The following SNAI2 variants were observed in gnomAD, a reference collection of about 807,000 sequenced individuals.
SNAI2 encodes the protein zinc finger protein SNAI2.
SNAI2 carries 2 observed loss-of-function variants against 22.4 expected under a neutral mutation model. The observed-to-expected ratio is 0.09, with a 90% confidence interval of 0.04 to 0.28. The LOEUF is 0.28. Among genes scored for constraint, SNAI2 ranks in the 10% least tolerant of loss-of-function variants. The pLI, the probability that SNAI2 is intolerant of heterozygous loss-of-function variation, is 1.00. For synonymous variants in SNAI2, 134 were observed against 123.0 expected (o/e 1.09, Z -0.59); for missense variants, 239 against 320.8 (o/e 0.75, Z 1.95).
intron 1 of SNAI2, 66 bp downstream of exon 1, chr8:48,921,121 T>C: frequency 1.8e-6 from 2 of 1,111,238 alleles, no homozygotes; most frequent in Admixed American, 1.7e-5. Flanking sequence ...ATTTGAAGGG[T>C]AATACGTAGA....
At position 48,921,232 on chromosome 8, in the gene SNAI2, T is replaced by C. The variant is rs763952937; in HGVS notation, c.34A>G (p.Asn12Asp). The C allele has an allele frequency of 3.1e-5, 50 of 1,613,686 alleles. No individual in the cohort carries two copies. Among genetic ancestry groups the C allele is most frequent in the Non-Finnish European group, 4.0e-5 (47 of 1,180,002 alleles). ...CTGTAGTTTGGCTTTTTGGAGGCGT[T>C]GAAATGCTTCTTGACCAGGAAGGAG... The part of the protein sequence containing the change: ...PRSFLVKKHF[N>D]ASKKPNYSEL... Residue 12 changes from asparagine (N) to aspartate (D), a missense_variant, in exon 1 of 3, where the codon AAC (asparagine) becomes GAC (aspartate). Physicochemically the swap from Asn to Asp is conservative, Grantham distance 23. Coordinates refer to ENST00000020945, the MANE Select transcript of SNAI2 (RefSeq NM_003068.5).
Position 48,920,063 on chromosome 8 carries a change from G to T in SNAI2, c.458C>A (p.Ala153Asp). Residue 153 changes from alanine to aspartate, a missense_variant, in exon 2 of 3, where the codon GCC (alanine) becomes GAC (aspartate). Coordinates refer to ENST00000020945, the MANE Select transcript of SNAI2 (RefSeq NM_003068.5). ...ACAGCTGAAAGATTTTCTAGACTGG[G>T]CATCGCAGTGCAGCTGCTTATGTTT... Reference protein sequence around the residue: ...LAKHKQLHCDAQSRKSFSCKY... With the variant: ...LAKHKQLHCDDQSRKSFSCKY... 2.5e-6 allele frequency: 4 copies of T among 1,614,208 alleles called. No homozygotes were observed. The highest frequency in any genetic ancestry group is 2.5e-6 in the Non-Finnish European group (3 of 1,180,032).
Position 48,918,504 on chromosome 8 carries a change from C to A in SNAI2, c.*303G>T. ...TGCATTTTTTTAGGAAGAAAAGATG[C>A]AATGTGCTTTTCATTTTATCTTTGA... On this transcript the variant is annotated 3_prime_UTR_variant, in exon 3 of 3. Transcript: ENST00000020945. 1 of 367,444 alleles carries A rather than the reference C, an allele frequency of 2.7e-6. No individual in the cohort carries two copies. Among genetic ancestry groups the A allele is most frequent in the East Asian group, 5.7e-5 (1 of 17,468 alleles). The allele number at this position is 367,444 out of a possible 1,614,324, so 22.8% of individuals were successfully genotyped here. A position where few individuals can be genotyped will look rare whatever the true frequency, so the allele number is the denominator to read the frequency against.
Position 48,921,323 on chromosome 8 carries a change from G to A in SNAI2, c.-58C>T. 2 of 1,357,708 alleles carry A rather than the reference G, an allele frequency of 1.5e-6. No individual in the cohort carries two copies. The highest frequency in any genetic ancestry group is 1.2e-5 in the South Asian group (1 of 86,158). The allele number at this position is 1,357,708 out of a possible 1,614,324, so 84.1% of individuals were successfully genotyped here. On this transcript the variant is annotated 5_prime_UTR_variant, in exon 1 of 3. Transcript: ENST00000020945. ...GATAACGGTCCGGCGGGAGGACACG[G>A]CGGTCCCTACAGCATCGCGGCGGGC...
intron 1 of SNAI2, 53 bp from the exon 2 acceptor site, chr8:48,920,494 A>T: frequency 1.4e-6 from 2 of 1,474,168 alleles, no homozygotes; most frequent in South Asian, 2.3e-5. Context: ...ATTAAAAATA[A>T]ATCCACACGC....
rs944756992 is a variant in SNAI2 at position 48,921,304 on chromosome 8, G to T, written c.-39C>A. 18 of 1,526,972 alleles carry T rather than the reference G, an allele frequency of 1.2e-5. No homozygotes were observed. The highest frequency in any genetic ancestry group is 3.4e-4 in the Middle Eastern group (2 of 5,836). 94.6% of individuals were successfully genotyped at this position (1,526,972 alleles called of 1,614,324 possible). On this transcript the variant is annotated 5_prime_UTR_variant, in exon 1 of 3. Coordinates refer to ENST00000020945, the MANE Select transcript of SNAI2 (RefSeq NM_003068.5). The stretch of plus-strand genomic sequence containing the variant: ...CTGGCGGGCGCCCGGCGCGGATAAC[G>T]GTCCGGCGGGAGGACACGGCGGTCC...
rs960463198 is a variant in SNAI2 at position 48,921,355 on chromosome 8, C to T, written c.-90G>A. On this transcript the variant is annotated 5_prime_UTR_variant, in exon 1 of 3. Coordinates refer to ENST00000020945, the MANE Select transcript of SNAI2 (RefSeq NM_003068.5). ...CTACAGCATCGCGGCGGGCCAGGCT[C>T]GGGCAGGGGCCGTGCTCAGGTGCGG... 110 of 1,003,538 alleles carry T rather than the reference C, an allele frequency of 1.1e-4. No individual in the cohort carries two copies. The highest frequency in any genetic ancestry group is 3.9e-4 in the South Asian group (31 of 78,784). 62.2% of individuals were successfully genotyped at this position (1,003,538 alleles called of 1,614,324 possible).
chr8:48,919,866 T>C (rs1285812607), intron 2 of SNAI2, 30 bp downstream of exon 2: 1 of 1,607,440 alleles, frequency 6.2e-7, no homozygotes, highest in South Asian at 1.1e-5. Context: ...TATCTCAGAG[T>C]AACATTCCTG....
At position 48,921,366 on chromosome 8, in the gene SNAI2, C is replaced by G. The variant is rs968278375; in HGVS notation, c.-101G>C. The G allele has an allele frequency of 1.8e-5, 16 of 911,104 alleles. No individual in the cohort carries two copies. Among genetic ancestry groups the G allele is most frequent in the Admixed American group, 6.9e-5 (4 of 57,730 alleles). The allele number at this position is 911,104 out of a possible 1,614,324, so 56.4% of individuals were successfully genotyped here. A position where few individuals can be genotyped will look rare whatever the true frequency, so the allele number is the denominator to read the frequency against. ...CGGCGGGCCAGGCTCGGGCAGGGGCCGTGCTCAGGTGCGGCAGACGGACGG... is the reference window on the plus strand; with the variant it reads ...CGGCGGGCCAGGCTCGGGCAGGGGCGGTGCTCAGGTGCGGCAGACGGACGG... On this transcript the variant is annotated 5_prime_UTR_variant, in exon 1 of 3. Coordinates refer to ENST00000020945, the MANE Select transcript of SNAI2 (RefSeq NM_003068.5).
rs1399924105 is a variant in SNAI2, at chr8:48,920,434, A to G, written c.87T>C (p.Ile29=). 2 of 1,613,956 alleles carry G rather than the reference A, an allele frequency of 1.2e-6. No homozygotes were observed. The highest frequency in any genetic ancestry group is 2.2e-5 in the South Asian group (2 of 91,064). The change falls in exon 2 of 3, where the codon ATT becomes ATC. Residue 29 remains isoleucine, a synonymous_variant. Transcript: ENST00000020945. ...AGTAACTCTCATAGAGATACGGGGA[A>G]ATAATCACTGGGAAAGAAAAGGGAG... ...YSELDTHTVI[I]SPYLYESYSM...
Position 48,920,439 on chromosome 8 carries a change from T to A in SNAI2, c.82A>T (p.Ile28Phe). Residue 28 changes from isoleucine (I) to phenylalanine (F), a missense_variant and splice_region_variant, in exon 2 of 3, where the codon ATT becomes TTT. Physicochemically the swap from Ile to Phe is conservative, Grantham distance 21 (BLOSUM62 0). Transcript: ENST00000020945. Reference protein sequence around the residue: ...NYSELDTHTVIISPYLYESYS... With the variant: ...NYSELDTHTVFISPYLYESYS... The stretch of plus-strand genomic sequence containing the variant: ...CTCTCATAGAGATACGGGGAAATAA[T>A]CACTGGGAAAGAAAAGGGAGGGAGA... The A allele has an allele frequency of 6.2e-7, 1 of 1,613,482 alleles. No individual in the cohort carries two copies. The highest frequency in any genetic ancestry group is 8.5e-7 in the Non-Finnish European group (1 of 1,179,696).
At position 48,920,092 on chromosome 8, in the gene SNAI2, C is replaced by T; in HGVS notation, c.429G>A (p.Leu143=). 1 of 1,614,224 alleles carries T rather than the reference C, an allele frequency of 6.2e-7. No individual in the cohort carries two copies. Among genetic ancestry groups the T allele is most frequent in the African/African-American group, 1.3e-5 (1 of 75,054 alleles). Reference sequence around the variant, plus strand: ...CGCAGTGCAGCTGCTTATGTTTGGCCAGCCCAGAAAAAGTTGAATAGGTCT... The same window carrying T: ...CGCAGTGCAGCTGCTTATGTTTGGCTAGCCCAGAAAAAGTTGAATAGGTCT... ...CNKTYSTFSG[L]AKHKQLHCDA... Residue 143 remains leucine (L), a synonymous_variant, in exon 2 of 3, where the codon CTG becomes CTA. Transcript: ENST00000020945.
Position 48,921,317 on chromosome 8 carries a change from G to C in SNAI2, c.-52C>G. The C allele has an allele frequency of 7.1e-7, 1 of 1,400,100 alleles. No homozygotes were observed. The highest frequency in any genetic ancestry group is 1.1e-5 in the South Asian group (1 of 87,000). 86.7% of individuals were successfully genotyped at this position (1,400,100 alleles called of 1,614,324 possible). A position where few individuals can be genotyped will look rare whatever the true frequency, so the allele number is the denominator to read the frequency against. ...GGCGCGGATAACGGTCCGGCGGGAG[G>C]ACACGGCGGTCCCTACAGCATCGCG... On this transcript the variant is annotated 5_prime_UTR_variant, in exon 1 of 3. Coordinates refer to ENST00000020945, the MANE Select transcript of SNAI2 (RefSeq NM_003068.5).
At chr8:48,920,485 T>C (rs760997935) in intron 1 of SNAI2, 44 bp from the exon 2 acceptor site, 2 of 1,537,516 alleles carry the variant, frequency 1.3e-6, no homozygotes, top group Non-Finnish European at 1.8e-6. Context: ...GCAAAAATAA[T>C]TAAAAATAAA....
Position 48,920,241 on chromosome 8 carries a change from T to C in SNAI2, c.280A>G (p.Thr94Ala). The C allele has an allele frequency of 6.2e-7, 1 of 1,613,872 alleles. No homozygotes were observed. Among genetic ancestry groups the C allele is most frequent in the East Asian group, 2.2e-5 (1 of 44,866 alleles). ...GRVSPPPPSD[T>A]SSKDHSGSES... is the part of the protein sequence containing the mutation. ...GAGCCACTGTGGTCCTTGGAGGAGG[T>C]GTCAGATGGAGGAGGGGGACTCACT... Residue 94 changes from threonine to alanine, a missense_variant, in exon 2 of 3, where the codon ACC (threonine) becomes GCC (alanine). Physicochemically the swap from Thr to Ala is moderately conservative, Grantham distance 58. This residue lies in a region of SNAI2 where 183 missense variants were observed against 190.4 expected (regional missense o/e 0.96). Coordinates refer to ENST00000020945, the MANE Select transcript of SNAI2 (RefSeq NM_003068.5).
chr8:48,920,579 A>C (rs1369892108), intron 1 of SNAI2, 138 bp from the exon 2 acceptor site: 15 of 784,636 alleles, frequency 1.9e-5, no homozygotes, highest in Non-Finnish European at 3.0e-5. Context: ...CCCATTTAGG[A>C]GGGCATACAC....
In SNAI2 at chr8:48,921,349, C is replaced by T; in HGVS notation, c.-84G>A. 1.9e-6 allele frequency: 2 copies of T among 1,029,018 alleles called. No individual in the cohort carries two copies. The highest frequency in any genetic ancestry group is 3.0e-6 in the Non-Finnish European group (2 of 660,048). The allele number at this position is 1,029,018 out of a possible 1,614,324, so 63.7% of individuals were successfully genotyped here. On this transcript the variant is annotated 5_prime_UTR_variant, in exon 1 of 3. Transcript: ENST00000020945. ...CGGTCCCTACAGCATCGCGGCGGGCCAGGCTCGGGCAGGGGCCGTGCTCAG... is the reference window on the plus strand; with the variant it reads ...CGGTCCCTACAGCATCGCGGCGGGCTAGGCTCGGGCAGGGGCCGTGCTCAG...
chr8:48,920,453 A>G lies in SNAI2; in HGVS notation c.80-12T>C, dbSNP rs1806145849. ...CGGGGAAATAATCACTGGGAAAGAAAAGGGAGGGAGAGAAGATTAAGGCAA... is the reference window on the plus strand; with the variant it reads ...CGGGGAAATAATCACTGGGAAAGAAGAGGGAGGGAGAGAAGATTAAGGCAA... On this transcript the variant is annotated splice_polypyrimidine_tract_variant and intron_variant, in intron 1 of 2. Coordinates refer to ENST00000020945, the MANE Select transcript of SNAI2 (RefSeq NM_003068.5). 6.2e-7 allele frequency: 1 copy of G among 1,612,228 alleles called. No individual in the cohort carries two copies.
rs147930178 is a variant in SNAI2 at position 48,918,658 on chromosome 8, GGTGT to G, written c.*145_*148del. 1.7e-4 allele frequency: 106 copies of G among 640,648 alleles called. No individual in the cohort carries two copies. The highest frequency in any genetic ancestry group is 1.9e-4 in the South Asian group (10 of 52,704). 39.7% of individuals were successfully genotyped at this position (640,648 alleles called of 1,614,324 possible). On this transcript the variant is annotated 3_prime_UTR_variant, in exon 3 of 3. Transcript: ENST00000020945. ...ATGCTCTTGCAGCTCTCTCTCTGTG[GGTGT>G]GTGTGTGTGTGTGTGCATATGTGTG...
Sources: gnomAD v4.1 joint callset for allele counts on GRCh38, gnomAD v4.1.1 for gene constraint, gnomAD v4.1.1 regional missense constraint, MANE v1.5 for transcripts, NCBI Gene and HGNC (gene_info 2026-07-23, HGNC 2026-07-21) for gene names.